ZNF862: variants seen among roughly 807,000 people sequenced by gnomAD.
ZNF862 encodes the protein zinc finger protein 862.
Under a neutral mutation model 91.1 loss-of-function variants are expected in ZNF862, and 64 were observed. That is an observed-to-expected ratio of 0.70 (90% CI 0.57 to 0.87). The LOEUF (loss-of-function observed/expected upper bound fraction) is 0.87. Ranked by LOEUF, ZNF862 falls within the 40% of genes least tolerant of loss-of-function variation. The probability of loss-of-function intolerance (pLI) is 0.00; values close to 1 mark genes in which losing one functional copy is unlikely to be tolerated. For missense variants in ZNF862, 1,459 were observed against 1,528.0 expected, an observed-to-expected ratio of 0.95 and a Z score of 0.75; for synonymous variants, 631 against 618.1, an observed-to-expected ratio of 1.02 and a Z score of -0.31.
rs1802451205 is a variant in ZNF862, at chr7:149,860,862, C to G, written c.1702C>G (p.His568Asp). 3 of 1,613,540 alleles carry G rather than the reference C, an allele frequency of 1.9e-6. No homozygotes were observed. The Admixed American group carries it at 5.0e-5, about 27-fold the overall frequency. Reference sequence around the variant, plus strand: ...CAATGCCGCCTACTCCATTGCATACCACTCAAGGCCCCTGAATGACTTTGA... The same window carrying G: ...CAATGCCGCCTACTCCATTGCATACGACTCAAGGCCCCTGAATGACTTTGA... ...FFNAAYSIAY[H>D]SRPLNDFEKI... The change falls in exon 7 of 8, where the codon CAC (histidine) becomes GAC (aspartate). Residue 568 changes from histidine (H) to aspartate (D), a missense_variant. Transcript: ENST00000223210.
At position 149,861,920 on chromosome 7, in the gene ZNF862, T is replaced by C. The variant is rs767829592; in HGVS notation, c.2760T>C (p.Asp920=). Residue 920 remains aspartate, a synonymous_variant, in exon 7 of 8, where the codon GAT becomes GAC. Coordinates refer to ENST00000223210, the MANE Select transcript of ZNF862 (RefSeq NM_001099220.3). This position sits in a 1 kb window ranked among gnomAD's most constrained non-coding sequence, Gnocchi z 6.7. The stretch of plus-strand genomic sequence containing the variant: ...TAGCGGAACAGCGGTTCCAGGCGGA[T>C]AGGGAGAGGACAGTCCTGACGGGGA... The part of the protein sequence containing the change: ...LEVAEQRFQA[D]RERTVLTGIE... 4 of 1,613,432 alleles carry C rather than the reference T, an allele frequency of 2.5e-6. No individual in the cohort carries two copies. The East Asian group carries it at 8.9e-5, about 36-fold the overall frequency.
intron 5 of ZNF862, among the ~76,000 whole-genome samples, chr7:149,853,336 G>T (rs1176588310): frequency 1.3e-5 from 2 of 152,226 alleles, no homozygotes; most frequent in African/African-American, 4.8e-5. Context: ...GACTGTTATG[G>T]AATGTGGGTG....
chr7:149,858,864 G>A (rs1303371638), intron 5 of ZNF862: 2 of 122,020 alleles, frequency 1.6e-5, no homozygotes, highest in East Asian at 2.7e-4. Flanking sequence ...TGGGGGCAGA[G>A]GGGCACACGC....
chr7:149,849,707 G>A (rs1801996681), intron 4 of ZNF862, among the ~76,000 whole-genome samples: 1 of 152,208 alleles, frequency 6.6e-6, no homozygotes, highest in Non-Finnish European at 1.5e-5. Context: ...TTTATCATCT[G>A]AATTCAGCAG....
Position 149,843,839 on chromosome 7 carries a change from A to C in ZNF862, c.25-786A>C, listed in dbSNP as rs139713081. On this transcript the variant is annotated intron_variant, in intron 1 of 7. Coordinates refer to ENST00000223210, the MANE Select transcript of ZNF862 (RefSeq NM_001099220.3). ...AGGTTTCCGGTGCTGGAAGATGCCAAGCCTTTGAGGATGCAGAGTGTACCT... is the reference window on the plus strand; with the variant it reads ...AGGTTTCCGGTGCTGGAAGATGCCACGCCTTTGAGGATGCAGAGTGTACCT... Among the ~76,000 whole-genome samples, 109 of 152,268 alleles carry C rather than the reference A, an allele frequency of 7.2e-4. 1 individual carries two copies. In the East Asian group the frequency reaches 0.02, roughly 28 times the overall value.
In ZNF862 at chr7:149,848,442, T is replaced by C. The variant is rs946129228; in HGVS notation, c.939+10T>C. ...AGAATCCTGCATTCAGGTAATACGT[T>C]TATAATGATTGCTGTATCTTACAGA... On this transcript the variant is annotated intron_variant, in intron 4 of 7. Coordinates refer to ENST00000223210, the MANE Select transcript of ZNF862 (RefSeq NM_001099220.3). 1.3e-6 allele frequency: 2 copies of C among 1,490,102 alleles called. No homozygotes were observed. Among genetic ancestry groups the C allele is most frequent in the Non-Finnish European group, 1.8e-6 (2 of 1,115,078 alleles). The allele number at this position is 1,490,102 out of a possible 1,614,324, so 92.3% of individuals were successfully genotyped here. A position where few individuals can be genotyped will look rare whatever the true frequency, so the allele number is the denominator to read the frequency against.
At chr7:149,839,789 A>G (rs1458514059) in intron 1 of ZNF862, among the ~76,000 whole-genome samples, 1 of 152,174 alleles carries the variant, frequency 6.6e-6, no homozygotes, top group East Asian at 1.9e-4. Context: ...ATAAAGCTCA[A>G]CAAAACCCAA....
rs1230863224 is a variant in ZNF862 at position 149,855,381 on chromosome 7, A to G, written c.1118-4041A>G. ...CTCAATTCTTGCCTTTCCCTCCTCA[A>G]CCTGCTGCGGCTGTAGAATCTGGAC... On this transcript the variant is annotated intron_variant, in intron 5 of 7. Coordinates refer to ENST00000223210, the MANE Select transcript of ZNF862 (RefSeq NM_001099220.3). The surrounding 1 kb of genome is among the most constrained non-coding windows in gnomAD (Gnocchi z 4.1). 6.6e-6 allele frequency among the ~76,000 whole-genome samples: 1 copy of G among 152,118 alleles called. No individual in the cohort carries two copies. The highest frequency in any genetic ancestry group is 1.5e-5 in the Non-Finnish European group (1 of 68,030).
Position 149,861,843 on chromosome 7 carries a change from G to A in ZNF862, c.2683G>A (p.Ala895Thr), listed in dbSNP as rs58661955. The A allele has an allele frequency of 5.0e-3, 8,056 of 1,613,614 alleles. 274 individuals are homozygous for A. The African/African-American group carries it at 0.081, about 16-fold the overall frequency. The change falls in exon 7 of 8, where the codon GCC becomes ACC. Residue 895 changes from alanine to threonine, a missense_variant. Transcript: ENST00000223210. This position sits in a 1 kb window ranked among gnomAD's most constrained non-coding sequence, Gnocchi z 6.7. ...AGGGCCCAAAGAGGAAGAATTCAAC[G>A]CCAGCTTCAAGGATGGGCGGCTCCA... ...QAGPKEEEFN[A>T]SFKDGRLHGI...
Position 149,855,753 on chromosome 7 carries a change from C to T in ZNF862, c.1118-3669C>T, listed in dbSNP as rs981719448. Among the ~76,000 whole-genome samples the T allele has an allele frequency of 3.3e-5, 5 of 152,166 alleles. No homozygotes were observed. The highest frequency in any genetic ancestry group is 6.5e-5 in the Admixed American group (1 of 15,280). On this transcript the variant is annotated intron_variant, in intron 5 of 7. Coordinates refer to ENST00000223210, the MANE Select transcript of ZNF862 (RefSeq NM_001099220.3). The surrounding 1 kb of genome is among the most constrained non-coding windows in gnomAD (Gnocchi z 4.1). ...CGTCACGGGCAGGCCCCACAGACAA[C>T]GCCAGGCCTCTTCTCATTCCCCATG... is the stretch of plus-strand genomic sequence containing the variant.
chr7:149,846,472 G>C (rs1286651683), intron 3 of ZNF862, among the ~76,000 whole-genome samples: 1 of 152,186 alleles, frequency 6.6e-6, no homozygotes, highest in Non-Finnish European at 1.5e-5. Context: ...CTACCCAGGA[G>C]AATATGTTTA....
chr7:149,840,942 G>A, intron 1 of ZNF862: 1 of 985,392 alleles, frequency 1.0e-6, no homozygotes, highest in East Asian at 1.1e-4. Flanking sequence ...GGAGGTAGAG[G>A]AGAAACCTGA....
intron 7 of ZNF862, among the ~76,000 whole-genome samples, chr7:149,862,972 ACT>A (rs1346300424): frequency 6.6e-6 from 1 of 152,160 alleles, no homozygotes; most frequent in Non-Finnish European, 1.5e-5. Flanking sequence ...GGCTGTATAG[ACT>A]CTGGACCGTG....
intron 4 of ZNF862, among the ~76,000 whole-genome samples, chr7:149,848,701 G>A (rs988680404): frequency 6.6e-6 from 1 of 152,084 alleles, no homozygotes; most frequent in African/African-American, 2.4e-5. Flanking sequence ...TCTACTTCTG[G>A]TATAAAGGAA....
At chr7:149,859,301 A>G (rs2128940991) in intron 5 of ZNF862, 121 bp from the exon 6 acceptor site, 4 of 956,412 alleles carry the variant, frequency 4.2e-6, no homozygotes, top group Non-Finnish European at 6.5e-6. Context: ...GGCCGACTAG[A>G]CTTTATAAGG....
At chr7:149,854,944 C>T (rs930266036) in intron 5 of ZNF862, among the ~76,000 whole-genome samples, 6 of 152,214 alleles carry the variant, frequency 3.9e-5, no homozygotes, top group Non-Finnish European at 8.8e-5. Flanking sequence ...AACGTGATGA[C>T]AGTGTGACCT....
Position 149,855,824 on chromosome 7 carries a change from C to T in ZNF862, c.1118-3598C>T, listed in dbSNP as rs1191986360. 1.3e-5 allele frequency: 2 copies of T among 152,332 alleles called. No individual in the cohort carries two copies. The highest frequency in any genetic ancestry group is 2.4e-5 in the African/African-American group (1 of 41,446). 9.4% of individuals were successfully genotyped at this position (152,332 alleles called of 1,614,324 possible). On this transcript the variant is annotated intron_variant, in intron 5 of 7. Transcript: ENST00000223210. The surrounding 1 kb of genome is among the most constrained non-coding windows in gnomAD (Gnocchi z 4.1). ...GAAGCACTTCCAGACCCTGTGCTCT[C>T]CCAGACCTGGGATTGTAGGCCTTTC...
At position 149,850,334 on chromosome 7, in the gene ZNF862, C is replaced by G. The variant is rs963980722; in HGVS notation, c.1113C>G (p.Ser371=). ...VMRMNYELLA[S]LGPAAAKPDL... is the part of the protein sequence containing the mutation. Reference sequence around the variant, plus strand: ...GGATGAACTACGAGCTGTTGGCATCCTTGGGTAAAGACGCACCGAGCCTCT... The same window carrying G: ...GGATGAACTACGAGCTGTTGGCATCGTTGGGTAAAGACGCACCGAGCCTCT... Residue 371 remains serine, a synonymous_variant, in exon 5 of 8, where the codon TCC becomes TCG. Coordinates refer to ENST00000223210, the MANE Select transcript of ZNF862 (RefSeq NM_001099220.3). The surrounding 1 kb of genome is among the most constrained non-coding windows in gnomAD (Gnocchi z 4.2). The G allele has an allele frequency of 5.6e-6, 9 of 1,610,386 alleles. No individual in the cohort carries two copies. The highest frequency in any genetic ancestry group is 2.2e-5 in the South Asian group (2 of 90,856).
intron 1 of ZNF862, among the ~76,000 whole-genome samples, chr7:149,844,274 C>G (rs958521029): frequency 3.3e-5 from 5 of 152,118 alleles, no homozygotes; most frequent in Non-Finnish European, 7.4e-5. Context: ...GAAGGTTTAC[C>G]ATGTTTAAGG....
Sources: allele counts gnomAD v4.1 joint callset (sites outside exome capture counted in the v4.1 genomes callset), GRCh38; gene constraint gnomAD v4.1.1; non-coding constraint Gnocchi (gnomAD v3.1); transcripts MANE v1.5; gene names NCBI Gene and HGNC (gene_info 2026-07-23, HGNC 2026-07-21).